Variants in FTO observed in about 807,000 individuals in gnomAD.
FTO encodes the protein FTO alpha-ketoglutarate dependent dioxygenase.
Under a neutral mutation model 63.9 loss-of-function variants are expected in FTO, and 47 were observed. The ratio of observed to expected loss-of-function variants is 0.74; its 90% confidence interval spans 0.58 to 0.94. FTO has a LOEUF of 0.94. Ranked by LOEUF, FTO falls within the 40% of genes least tolerant of loss-of-function variation. FTO has a pLI of 0.00. For synonymous variants in FTO, 207 were observed against 224.4 expected (o/e 0.92, Z 0.69); for missense variants, 562 against 618.1 (o/e 0.91, Z 0.96).
intron 8 of FTO, among the ~76,000 whole-genome samples, chr16:54,050,777 G>A (rs1404604024): frequency 5.9e-5 from 9 of 152,078 alleles, no homozygotes; most frequent in African/African-American, 2.2e-4. Context: ...ACTGGGATCA[G>A]TTTTTCCCCC....
At chr16:53,845,702 C>G (rs551808457) in intron 4 of FTO, among the ~76,000 whole-genome samples, 1 of 152,070 alleles carries the variant, frequency 6.6e-6, no homozygotes, top group Non-Finnish European at 1.5e-5. Context: ...TTTTGTTTGC[C>G]GGAGATCCTG....
intron 4 of FTO, among the ~76,000 whole-genome samples, chr16:53,862,035 A>G (rs2151855825): frequency 6.6e-6 from 1 of 152,238 alleles, no homozygotes; most frequent in South Asian, 2.1e-4. Flanking sequence ...GCAGATCAGG[A>G]GGTCAGGATT....
At chr16:53,870,394 G>A (rs75918211) in intron 4 of FTO, among the ~76,000 whole-genome samples, 10 of 152,186 alleles carry the variant, frequency 6.6e-5, no homozygotes, top group South Asian at 6.2e-4. Flanking sequence ...TCTCAGTCCC[G>A]TCTACGTTGA....
At chr16:53,822,903 G>A (rs1364576673) in intron 2 of FTO, among the ~76,000 whole-genome samples, 1 of 152,124 alleles carries the variant, frequency 6.6e-6, no homozygotes, top group Non-Finnish European at 1.5e-5. Flanking sequence ...TGCATCGTCA[G>A]CCTCTTTCTC....
At chr16:53,864,185 T>C (rs979571049) in intron 4 of FTO, among the ~76,000 whole-genome samples, 1 of 152,192 alleles carries the variant, frequency 6.6e-6, no homozygotes, top group Admixed American at 6.5e-5. Flanking sequence ...TAAGTAAGAA[T>C]GAAAAGCTTC....
rs57925273 is a variant in FTO, at chr16:53,950,155, T to TAAAAAAAAAAAAAAAA, written c.1364+16055_1364+16070dup. On this transcript the variant is annotated intron_variant, in intron 8 of 8. Transcript: ENST00000471389. ...GGAAAAAAAAAGATATTCACATTTG[T>TAAAAAAAAAAAAAAAA]AAAAAAAAAAAAAAAAAAAAAAAAC... is the stretch of plus-strand genomic sequence containing the variant. Among the ~76,000 whole-genome samples, 39 of 50,610 alleles carry TAAAAAAAAAAAAAAAA rather than the reference T, an allele frequency of 7.7e-4. 1 individual carries two copies. The highest frequency in any genetic ancestry group is 1.3e-3 in the Non-Finnish European group (29 of 22,568). 33.2% of individuals were successfully genotyped at this position (50,610 alleles called of 152,430 possible). A position where few individuals can be genotyped will look rare whatever the true frequency, so the allele number is the denominator to read the frequency against.
At chr16:53,712,032 A>G (rs963667928) in intron 1 of FTO, among the ~76,000 whole-genome samples, 2 of 152,228 alleles carry the variant, frequency 1.3e-5, no homozygotes, top group South Asian at 4.1e-4. Flanking sequence ...GTTGGAGGTT[A>G]CAGTGAGCTG....
chr16:54,058,767 T>C (rs1350945441), intron 8 of FTO, among the ~76,000 whole-genome samples: 2 of 152,158 alleles, frequency 1.3e-5, no homozygotes, highest in African/African-American at 4.8e-5. Flanking sequence ...GATGGAACAA[T>C]TGGTTGTGTT....
chr16:53,993,320 C>A (rs1408110034), intron 8 of FTO: 1 of 152,100 alleles, frequency 6.6e-6, no homozygotes, highest in African/African-American at 2.4e-5. Context: ...AATAAGTGGC[C>A]ATACTTTTTA....
intron 7 of FTO, among the ~76,000 whole-genome samples, chr16:53,908,695 A>G (rs1340463393): frequency 6.6e-6 from 1 of 152,180 alleles, no homozygotes; most frequent in African/African-American, 2.4e-5. Flanking sequence ...TGTCATTGAG[A>G]TGCCACTTTC....
At chr16:53,811,939 A>G (rs906978227) in intron 2 of FTO, among the ~76,000 whole-genome samples, 2 of 152,028 alleles carry the variant, frequency 1.3e-5, no homozygotes, top group African/African-American at 2.4e-5. Context: ...CAGCCTCCCA[A>G]GTAGCTGAGA....
chr16:53,783,833 T>C (rs2077658650), intron 1 of FTO, among the ~76,000 whole-genome samples: 1 of 152,036 alleles, frequency 6.6e-6, no homozygotes, highest in South Asian at 2.1e-4. Flanking sequence ...TTATATCCTA[T>C]GTCTTTTACC....
At chr16:54,039,932 A>T (rs1372980431) in intron 8 of FTO, 1 of 152,160 alleles carries the variant, frequency 6.6e-6, no homozygotes, top group Non-Finnish European at 1.5e-5. Context: ...CAGTGTACAG[A>T]ATTGCCATTG....
At chr16:54,081,882 C>T (rs774808766) in intron 8 of FTO, among the ~76,000 whole-genome samples, 9 of 152,168 alleles carry the variant, frequency 5.9e-5, no homozygotes, top group South Asian at 2.1e-4. Flanking sequence ...CAAATCATAA[C>T]GGAACAGAGA....
chr16:53,922,419 A>G (rs1272461348), intron 7 of FTO, among the ~76,000 whole-genome samples: 5 of 152,196 alleles, frequency 3.3e-5, no homozygotes, highest in African/African-American at 1.2e-4. Flanking sequence ...AGTTTCCCAT[A>G]TATGGTGTCT....
intron 8 of FTO, among the ~76,000 whole-genome samples, chr16:54,021,544 C>CAGACAG (rs2084600600): frequency 6.6e-6 from 1 of 152,160 alleles, no homozygotes; most frequent in Non-Finnish European, 1.5e-5. Flanking sequence ...GGCAGGAGTG[C>CAGACAG]AGTGTCGCAA....
At chr16:53,848,234 G>A (rs866036752) in intron 4 of FTO, among the ~76,000 whole-genome samples, 4 of 152,122 alleles carry the variant, frequency 2.6e-5, no homozygotes, top group Middle Eastern at 3.4e-3. Context: ...GAGGGACTTC[G>A]GCCCCGTGCT....
In FTO at chr16:53,717,565, A is replaced by G. The variant is rs190292984; in HGVS notation, c.45+13336A>G. On this transcript the variant is annotated intron_variant, in intron 1 of 8. Transcript: ENST00000471389. ...ATAGAAATATTTTTCCAGTTTGTTT[A>G]TTGCCTGACTTTTATATTTTTGTTA... Among the ~76,000 whole-genome samples the G allele has an allele frequency of 1.7e-3, 257 of 152,052 alleles. 1 individual carries two copies. Among genetic ancestry groups the G allele is most frequent in the Non-Finnish European group, 9.9e-4 (67 of 67,862 alleles).
At chr16:53,945,896 T>A (rs1005054476) in intron 8 of FTO, among the ~76,000 whole-genome samples, 3 of 152,210 alleles carry the variant, frequency 2.0e-5, no homozygotes. Flanking sequence ...ATCTACTCCA[T>A]AATGGGTTAA....
Sources: gnomAD v4.1 joint callset for allele counts (sites outside exome capture counted in the v4.1 genomes callset) on GRCh38, gnomAD v4.1.1 for gene constraint, MANE v1.5 for transcripts, NCBI Gene and HGNC (gene_info 2026-07-23, HGNC 2026-07-21) for gene names.